Variants in LIMCH1 observed in about 807,000 individuals in gnomAD.
The protein encoded by LIMCH1 is LIM and calponin homology domains-containing protein 1.
Under a neutral mutation model 176.5 loss-of-function variants are expected in LIMCH1, and 113 were observed. The ratio of observed to expected loss-of-function variants is 0.64; its 90% CI spans 0.55 to 0.75. LIMCH1 has a LOEUF of 0.75. Among genes scored for constraint, LIMCH1 ranks in the 30% least tolerant of loss-of-function variants. The pLI, the probability that LIMCH1 is intolerant of heterozygous loss-of-function variation, is 0.00. For synonymous variants in LIMCH1, 619 were observed against 645.9 expected, an observed-to-expected ratio of 0.96 and a Z score of 0.63; for missense variants, 1,674 against 1,814.9, an observed-to-expected ratio of 0.92 and a Z score of 1.41.
chr4:41,508,214 G>A (rs939046919), intron 2 of LIMCH1, among the ~76,000 whole-genome samples: 3 of 152,168 alleles, frequency 2.0e-5, no homozygotes, highest in African/African-American at 7.2e-5. Flanking sequence ...AGCCATATAA[G>A]GATTTGGTGG....
chr4:41,661,372 C>T lies in LIMCH1; in HGVS notation c.3037-48C>T, dbSNP rs746761784. 5.2e-6 allele frequency: 7 copies of T among 1,346,698 alleles called. No homozygotes were observed. The Admixed American group carries it at 5.9e-5, about 11-fold the overall frequency. 83.4% of individuals were successfully genotyped at this position (1,346,698 alleles called of 1,614,324 possible). ...ACTGCTTAAAAAATAATTTTTAGAACTTTTAAAGGAATCATTTATTCAAGG... is the reference window on the plus strand; with the variant it reads ...ACTGCTTAAAAAATAATTTTTAGAATTTTTAAAGGAATCATTTATTCAAGG... On this transcript the variant is annotated intron_variant, in intron 18 of 31. Coordinates refer to ENST00000503057, the MANE Select transcript of LIMCH1 (RefSeq NM_001330672.2).
intron 1 of LIMCH1, among the ~76,000 whole-genome samples, chr4:41,473,500 A>C (rs2067286672): frequency 6.6e-6 from 1 of 152,228 alleles, no homozygotes; most frequent in Non-Finnish European, 1.5e-5. Flanking sequence ...CCTCCCTTGC[A>C]GTGTAATCAA....
At chr4:41,589,415 A>G (rs2087080142) in intron 1 of LIMCH1, among the ~76,000 whole-genome samples, 1 of 152,154 alleles carries the variant, frequency 6.6e-6, no homozygotes, top group Non-Finnish European at 1.5e-5. Flanking sequence ...GTGATCAGAA[A>G]TGTAGTGGGT....
intron 1 of LIMCH1, among the ~76,000 whole-genome samples, chr4:41,403,396 C>G (rs1415064329): frequency 1.3e-5 from 2 of 152,060 alleles, no homozygotes; most frequent in Non-Finnish European, 2.9e-5. Context: ...GCCTGGTCAA[C>G]ATGATGAAAC....
chr4:41,626,676 A>T, intron 7 of LIMCH1, 32 bp from the exon 8 acceptor site: 1 of 1,519,066 alleles, frequency 6.6e-7, no homozygotes, highest in Non-Finnish European at 8.8e-7. Flanking sequence ...GTCTGATCAC[A>T]TGTGGAGTCC....
At position 41,689,508 on chromosome 4, in the gene LIMCH1, T is replaced by G. The variant is rs142359224; in HGVS notation, c.4167-19T>G. The G allele has an allele frequency of 2.5e-4, 337 of 1,342,020 alleles. 1 individual carries two copies. The African/African-American group carries it at 4.4e-3, about 17-fold the overall frequency. 83.1% of individuals were successfully genotyped at this position (1,342,020 alleles called of 1,614,324 possible). A position where few individuals can be genotyped will look rare whatever the true frequency, so the allele number is the denominator to read the frequency against. The stretch of plus-strand genomic sequence containing the variant: ...TTCTAAACTGAAGTTTTTATTCTTA[T>G]GTATATTTTTAAACCTAGGTCTATA... On this transcript the variant is annotated intron_variant, in intron 29 of 31. Coordinates refer to ENST00000503057, the MANE Select transcript of LIMCH1 (RefSeq NM_001330672.2).
chr4:41,367,585 A>T (rs2053220205), intron 1 of LIMCH1, among the ~76,000 whole-genome samples: 1 of 151,030 alleles, frequency 6.6e-6, no homozygotes, highest in Admixed American at 6.6e-5. Flanking sequence ...TCACGCCTGT[A>T]ATCCCAGCAC....
chr4:41,534,198 A>G (rs991135979), upstream of LIMCH1, among the ~76,000 whole-genome samples: 4 of 152,204 alleles, frequency 2.6e-5, no homozygotes, highest in Admixed American at 6.5e-5. Context: ...AAGCAGTGGG[A>G]TTAGAGATGA....
intron 1 of LIMCH1, among the ~76,000 whole-genome samples, chr4:41,565,049 T>C (rs1650732731): frequency 6.6e-6 from 1 of 152,170 alleles, no homozygotes; most frequent in South Asian, 2.1e-4. Context: ...TTTATAGCAG[T>C]GTGAGAACAG....
At chr4:41,483,967 T>C (rs2069095657) in intron 1 of LIMCH1, among the ~76,000 whole-genome samples, 1 of 152,264 alleles carries the variant, frequency 6.6e-6, no homozygotes, top group Admixed American at 6.5e-5. Context: ...TTTGAGCCCT[T>C]GGGCAAGTTA....
At chr4:41,614,238 G>T (rs2091809476) in intron 5 of LIMCH1, among the ~76,000 whole-genome samples, 1 of 152,200 alleles carries the variant, frequency 6.6e-6, no homozygotes, top group Non-Finnish European at 1.5e-5. Context: ...CTGCCTGCTT[G>T]TTCTGAAGCT....
Position 41,670,809 on chromosome 4 carries a change from G to A in LIMCH1, c.3398-745G>A, listed in dbSNP as rs764157940. ...CCCAGTCAGGTAAACTGCATACTGGGTAGCTGTATTTCTTTTGTGCGAAAA... is the reference window on the plus strand; with the variant it reads ...CCCAGTCAGGTAAACTGCATACTGGATAGCTGTATTTCTTTTGTGCGAAAA... On this transcript the variant is annotated intron_variant, in intron 21 of 31. Coordinates refer to ENST00000503057, the MANE Select transcript of LIMCH1 (RefSeq NM_001330672.2). 14 of 1,535,430 alleles carry A rather than the reference G, an allele frequency of 9.1e-6. No homozygotes were observed. The South Asian group carries it at 1.5e-4, about 17-fold the overall frequency.
intron 1 of LIMCH1, among the ~76,000 whole-genome samples, chr4:41,393,076 G>A (rs2154112444): frequency 6.6e-6 from 1 of 152,194 alleles, no homozygotes; most frequent in South Asian, 2.1e-4. Flanking sequence ...TTTTGGTCGA[G>A]CACATGTAAT....
At chr4:41,469,484 G>A (rs2066626331) in intron 1 of LIMCH1, among the ~76,000 whole-genome samples, 1 of 152,110 alleles carries the variant, frequency 6.6e-6, no homozygotes, top group African/African-American at 2.4e-5. Context: ...CTCAGTGCGG[G>A]CCATGCTTGC....
Position 41,458,705 on chromosome 4 carries a change from C to T in LIMCH1, c.97-35831C>T, listed in dbSNP as rs577224366. 3.7e-4 allele frequency among the ~76,000 whole-genome samples: 51 copies of T among 137,438 alleles called. No homozygotes were observed. In the South Asian group the frequency reaches 9.7e-3, roughly 26 times the overall value. The allele number at this position is 137,438 out of a possible 152,430, so 90.2% of individuals were successfully genotyped here. ...AGGAGAATGGCGTGAACCTGGGGGGCGGAGGTTGCAGTAAGCTGAGATTGT... is the reference window on the plus strand; with the variant it reads ...AGGAGAATGGCGTGAACCTGGGGGGTGGAGGTTGCAGTAAGCTGAGATTGT... On this transcript the variant is annotated intron_variant, in intron 1 of 26. Coordinates refer to the LIMCH1 transcript ENST00000313860.
upstream of LIMCH1, among the ~76,000 whole-genome samples, chr4:41,534,968 C>G (rs912004806): frequency 6.6e-6 from 1 of 151,870 alleles, no homozygotes; most frequent in African/African-American, 2.4e-5. Context: ...CAAGACCAGC[C>G]TAGGCAACAT....
At chr4:41,566,535 G>C (rs1419478768) in intron 1 of LIMCH1, among the ~76,000 whole-genome samples, 1 of 152,136 alleles carries the variant, frequency 6.6e-6, no homozygotes, top group African/African-American at 2.4e-5. Flanking sequence ...GGGTGAAAGA[G>C]AGCCTCAGCA....
At chr4:41,564,512 C>A (rs1166953794) in intron 1 of LIMCH1, among the ~76,000 whole-genome samples, 3 of 152,132 alleles carry the variant, frequency 2.0e-5, no homozygotes, top group Admixed American at 2.0e-4. Context: ...ATGATTAATG[C>A]AGCATACATT....
chr4:41,674,066 GT>G (rs1408902360), intron 22 of LIMCH1, among the ~76,000 whole-genome samples: 1 of 152,122 alleles, frequency 6.6e-6, no homozygotes, highest in African/African-American at 2.4e-5. Flanking sequence ...CAAGATCATT[GT>G]TTCATTCTCT....
Sources: gnomAD v4.1 joint callset for allele counts (sites outside exome capture counted in the v4.1 genomes callset) on GRCh38, gnomAD v4.1.1 for gene constraint, MANE v1.5 for transcripts, NCBI Gene and HGNC (gene_info 2026-07-23, HGNC 2026-07-21) for gene names.